The following BCAR1 variants were observed in gnomAD, a reference collection of about 807,000 sequenced individuals.
The protein encoded by BCAR1 is BCAR1 scaffold protein, Cas family member.
BCAR1 carries 30 observed loss-of-function variants against 67.6 expected under a neutral mutation model. That is an observed-to-expected ratio of 0.44 (90% CI 0.33 to 0.60). The LOEUF is 0.60. Ranked by LOEUF, BCAR1 falls within the 20% of genes least tolerant of loss-of-function variation. BCAR1 has a pLI of 0.02. For missense variants in BCAR1, 1,313 were observed against 1,222.3 expected (o/e 1.07, Z -1.11); for synonymous variants, 626 against 556.7 (o/e 1.12, Z -1.75).
chr16:75,238,006 G>C, intron 2 of BCAR1: 1 of 1,283,426 alleles, frequency 7.8e-7, no homozygotes, highest in East Asian at 5.6e-5. Context: ...CCTGCAGCAG[G>C]TAAGATCCCC....
chr16:75,240,586 T>C (rs1221748191), intron 2 of BCAR1, among the ~76,000 whole-genome samples: 3 of 152,212 alleles, frequency 2.0e-5, no homozygotes, highest in Non-Finnish European at 4.4e-5. Flanking sequence ...TGCCAGAATT[T>C]CCCAGTGATT....
intron 6 of BCAR1, among the ~76,000 whole-genome samples, chr16:75,230,333 G>T (rs1195225336): frequency 6.6e-6 from 1 of 152,146 alleles, no homozygotes; most frequent in Non-Finnish European, 1.5e-5. Context: ...GTCCTGGCTT[G>T]GGTACTGTCC....
chr16:75,238,121 C>T (rs368808041), intron 2 of BCAR1: 85 of 1,288,016 alleles, frequency 6.6e-5, no homozygotes, highest in Non-Finnish European at 7.7e-5. Flanking sequence ...AGCCAAGGCC[C>T]GCACAGTGGG....
chr16:75,234,743 G>C (rs2077039046), intron 5 of BCAR1, 146 bp downstream of exon 5: 1 of 1,267,002 alleles, frequency 7.9e-7, no homozygotes, highest in Non-Finnish European at 1.1e-6. Flanking sequence ...TAGCACATGG[G>C]GCCAATGTGG....
chr16:75,238,233 A>G, intron 2 of BCAR1: 2 of 1,180,216 alleles, frequency 1.7e-6, no homozygotes, highest in Non-Finnish European at 2.1e-6. Flanking sequence ...TCCTTCCCTG[A>G]AGGTCTCCCT....
rs1319520356 is a variant in BCAR1 at position 75,235,482 on chromosome 16, T to C, written c.1417A>G (p.Thr473Ala). The change falls in exon 5 of 7, where the codon ACC becomes GCC. Residue 473 changes from threonine to alanine, a missense_variant. This residue lies in a region of BCAR1 where 1,272 missense variants were observed against 1,137.5 expected (regional missense o/e 1.12). Coordinates refer to ENST00000162330, the MANE Select transcript of BCAR1 (RefSeq NM_014567.5). Reference sequence around the variant, plus strand: ...GCCAGGTCCAGAAGGTGGGCAACGGTGGCGCTCACACCCTGCTGCAGCCGT... The same window carrying C: ...GCCAGGTCCAGAAGGTGGGCAACGGCGGCGCTCACACCCTGCTGCAGCCGT... Reference protein sequence around the residue: ...LARLQQGVSATVAHLLDLAGS... With the variant: ...LARLQQGVSAAVAHLLDLAGS... 3 of 1,603,600 alleles carry C rather than the reference T, an allele frequency of 1.9e-6. No homozygotes were observed. Among genetic ancestry groups the C allele is most frequent in the South Asian group, 2.2e-5 (2 of 90,076 alleles).
chr16:75,238,898 G>A (rs1248686409), intron 2 of BCAR1: 3 of 985,400 alleles, frequency 3.0e-6, no homozygotes, highest in Non-Finnish European at 1.2e-6. Context: ...CCAAAGGCAG[G>A]TGGGGACCCA....
At chr16:75,260,559 G>A (rs1372910222) in intron 1 of BCAR1, among the ~76,000 whole-genome samples, 13 of 150,992 alleles carry the variant, frequency 8.6e-5, no homozygotes, top group Non-Finnish European at 7.4e-5. Flanking sequence ...ACTTGAACCC[G>A]GGAGACAAAG....
Position 75,238,674 on chromosome 16 carries a change from G to C in BCAR1, c.634-1330C>G, listed in dbSNP as rs1014702490. 8.1e-6 allele frequency: 8 copies of C among 985,886 alleles called. No individual in the cohort carries two copies. The African/African-American group carries it at 1.2e-4, about 15-fold the overall frequency. The allele number at this position is 985,886 out of a possible 1,614,324, so 61.1% of individuals were successfully genotyped here. On this transcript the variant is annotated intron_variant, in intron 2 of 6. Transcript: ENST00000162330. The stretch of plus-strand genomic sequence containing the variant: ...AGAGTCCCGGCTGGGGGCCTCCGTG[G>C]GGTGTCCCCGCCCCCTTCCAGTGCG...
chr16:75,234,067 GTGGACGCACACACACACTAGCA>G (rs2077001481), intron 5 of BCAR1, 132 bp from the exon 6 acceptor site: 1 of 758,242 alleles, frequency 1.3e-6, no homozygotes, highest in South Asian at 1.6e-5. Context: ...ACACGCACAC[GTGGACGCACACACACACTAGCA>G]CACGTGGACA....
At chr16:75,262,349 G>C (rs8052310) in intron 1 of BCAR1, among the ~76,000 whole-genome samples, 3 of 152,116 alleles carry the variant, frequency 2.0e-5, no homozygotes, top group African/African-American at 7.2e-5. Flanking sequence ...AGTGTGAAGA[G>C]GGAGCCTGAC....
intron 1 of BCAR1, among the ~76,000 whole-genome samples, chr16:75,261,183 G>A (rs2077901806): frequency 6.6e-6 from 1 of 152,170 alleles, no homozygotes. Context: ...GGAGACAATG[G>A]CCCAGCACAC....
chr16:75,264,351 C>T, intron 1 of BCAR1: 9 of 1,520,018 alleles, frequency 5.9e-6, no homozygotes, highest in East Asian at 2.5e-5. Context: ...CCTGGGATAC[C>T]GGCCCTCCAG....
In BCAR1 at chr16:75,242,957, T is replaced by C. The variant is rs2077403057; in HGVS notation, c.146A>G (p.His49Arg). Residue 49 changes from histidine (H) to arginine (R), a missense_variant, in exon 2 of 7, where the codon CAT becomes CGT. Around this residue, in one of 2 missense-constraint regions of BCAR1, gnomAD observed 41 missense variants for 84.8 expected, o/e 0.48. Transcript: ENST00000162330. ...GLDGWWLCSLHGRQGIVPGNR... is the reference protein window; with the variant it reads ...GLDGWWLCSLRGRQGIVPGNR... ...CCCAGGCACGATGCCCTGGCGCCCA[T>C]GCAGCGAGCAGAGCCACCAGCCGTC... 6.2e-7 allele frequency: 1 copy of C among 1,613,184 alleles called. No homozygotes were observed. Among genetic ancestry groups the C allele is most frequent in the Non-Finnish European group, 8.5e-7 (1 of 1,179,860 alleles).
upstream of BCAR1, among the ~76,000 whole-genome samples, chr16:75,253,909 T>A (rs2077728432): frequency 6.6e-6 from 1 of 151,704 alleles, no homozygotes. Flanking sequence ...AGGGGCCCTA[T>A]GCCCATGCAT....
chr16:75,233,798 AG>A (rs1241486477), intron 6 of BCAR1, 47 bp downstream of exon 6: 2 of 1,539,218 alleles, frequency 1.3e-6, no homozygotes, highest in South Asian at 1.2e-5. Flanking sequence ...CTGGGGGCTC[AG>A]GGGGTCAGCG....
At chr16:75,263,682 G>A in intron 1 of BCAR1, 6 of 985,386 alleles carry the variant, frequency 6.1e-6, no homozygotes, top group Non-Finnish European at 6.0e-6. Context: ...TATAATTTCT[G>A]TGGGCCAAAG....
At chr16:75,231,030 GT>G (rs1160627041) in intron 6 of BCAR1, among the ~76,000 whole-genome samples, 2,632 of 143,748 alleles carry the variant, frequency 0.018, 77 homozygotes, top group African/African-American at 0.064. Context: ...GCTTTGTGGG[GT>G]TTTTTTTTTT....
At chr16:75,248,255 C>T in intron 1 of BCAR1, 3 of 1,481,980 alleles carry the variant, frequency 2.0e-6, no homozygotes. Context: ...CCCCTCCTGT[C>T]CACGCCCCCA....
Sources: allele counts gnomAD v4.1 joint callset (sites outside exome capture counted in the v4.1 genomes callset), GRCh38; gene constraint gnomAD v4.1.1; regional missense constraint gnomAD v4.1.1; transcripts MANE v1.5; gene names NCBI Gene and HGNC (gene_info 2026-07-23, HGNC 2026-07-21).